The following RAPGEF4 variants were observed in gnomAD, a reference collection of about 807,000 sequenced individuals.
RAPGEF4 encodes the protein RAP guanine-nucleotide-exchange factor (GEF) 4.
Under a neutral mutation model 147.9 loss-of-function variants are expected in RAPGEF4, and 66 were observed. That is an observed-to-expected ratio of 0.45 (90% confidence interval 0.37 to 0.55). The LOEUF is 0.55. Ranked by LOEUF, RAPGEF4 falls within the 20% of genes least tolerant of loss-of-function variation. The pLI is 0.00. For synonymous variants in RAPGEF4, 419 were observed against 442.7 expected (o/e 0.95, Z 0.67); for missense variants, 1,071 against 1,257.3 (o/e 0.85, Z 2.24).
chr2:172,766,175 G>A (rs1018386229), intron 1 of RAPGEF4, among the ~76,000 whole-genome samples: 1 of 151,884 alleles, frequency 6.6e-6, no homozygotes, highest in Non-Finnish European at 1.5e-5. Flanking sequence ...TTTTATTTAT[G>A]TATTTATCAA....
At chr2:172,799,795 T>G (rs1423551567) in intron 3 of RAPGEF4, among the ~76,000 whole-genome samples, 1 of 151,790 alleles carries the variant, frequency 6.6e-6, no homozygotes. Flanking sequence ...AGAAGGAGAA[T>G]CAGAAAAGGA....
intron 4 of RAPGEF4, among the ~76,000 whole-genome samples, chr2:172,897,843 G>A (rs938469674): frequency 6.8e-5 from 10 of 147,848 alleles, no homozygotes; most frequent in Non-Finnish European, 1.0e-4. Context: ...TTAGCTTCAC[G>A]GCACAGCAAC....
chr2:172,803,878 C>T (rs1024926117), intron 3 of RAPGEF4, among the ~76,000 whole-genome samples: 7 of 152,164 alleles, frequency 4.6e-5, no homozygotes, highest in African/African-American at 7.2e-5. Context: ...AGGGATAAAA[C>T]GCCACCAGTG....
chr2:172,763,202 A>T (rs1250111326), intron 1 of RAPGEF4, among the ~76,000 whole-genome samples: 1 of 152,206 alleles, frequency 6.6e-6, no homozygotes, highest in Non-Finnish European at 1.5e-5. Flanking sequence ...CTTCTTCACC[A>T]TCATTTTATC....
chr2:172,871,934 A>G (rs1695290521), intron 4 of RAPGEF4, among the ~76,000 whole-genome samples: 1 of 152,224 alleles, frequency 6.6e-6, no homozygotes, highest in South Asian at 2.1e-4. Flanking sequence ...GGAGTCACAC[A>G]GCAAGGAAGT....
chr2:172,798,452 G>C (rs959391343), intron 3 of RAPGEF4, among the ~76,000 whole-genome samples: 1 of 151,900 alleles, frequency 6.6e-6, no homozygotes, highest in Non-Finnish European at 1.5e-5. Context: ...CCCATAAAAG[G>C]CCACCATCAG....
chr2:172,817,155 G>A (rs1432862182), intron 4 of RAPGEF4, among the ~76,000 whole-genome samples: 1 of 152,164 alleles, frequency 6.6e-6, no homozygotes, highest in Non-Finnish European at 1.5e-5. Context: ...ATGTATGTAT[G>A]TGGATATAGT....
At chr2:172,945,922 A>G (rs563440893) in intron 6 of RAPGEF4, among the ~76,000 whole-genome samples, 147 of 152,306 alleles carry the variant, frequency 9.7e-4, no homozygotes, top group Non-Finnish European at 1.7e-3. Flanking sequence ...CAATTTGACA[A>G]TGTGCATTTG....
chr2:172,859,928 C>T (rs1225853968), intron 4 of RAPGEF4: 16 of 677,726 alleles, frequency 2.4e-5, no homozygotes, highest in South Asian at 6.6e-5. Context: ...AGAGGAGGCT[C>T]GGTAGAATAA....
At chr2:173,039,699 G>C (rs1164390213) in intron 29 of RAPGEF4, among the ~76,000 whole-genome samples, 1 of 152,156 alleles carries the variant, frequency 6.6e-6, no homozygotes, top group Non-Finnish European at 1.5e-5. Context: ...CAGAAACCTA[G>C]TCCCATGAAA....
At chr2:172,972,042 G>A (rs1343184272) in intron 10 of RAPGEF4, among the ~76,000 whole-genome samples, 1 of 132,594 alleles carries the variant, frequency 7.5e-6, no homozygotes, top group Non-Finnish European at 1.5e-5. Flanking sequence ...AAGTTGAAAG[G>A]CAACAATTTA....
intron 10 of RAPGEF4, among the ~76,000 whole-genome samples, chr2:172,973,049 A>G (rs954505883): frequency 6.6e-6 from 1 of 151,420 alleles, no homozygotes; most frequent in Non-Finnish European, 1.5e-5. Context: ...ATGTTCTTTA[A>G]TGCATTCAGT....
chr2:172,916,583 T>C lies in RAPGEF4; in HGVS notation c.445-1219T>C, dbSNP rs140140081. Among the ~76,000 whole-genome samples, 607 of 152,356 alleles carry C rather than the reference T, an allele frequency of 4.0e-3. 5 individuals are homozygous for C. Among genetic ancestry groups the C allele is most frequent in the African/African-American group, 0.014 (586 of 41,588 alleles). ...GGGTGATATATTGGTCCTGTGGGTA[T>C]GTCTGAGTGATCACTTAGCTCAGAG... On this transcript the variant is annotated intron_variant, in intron 4 of 30. Transcript: ENST00000397081.
At chr2:172,823,273 G>A (rs1689279422) in intron 4 of RAPGEF4, among the ~76,000 whole-genome samples, 1 of 152,180 alleles carries the variant, frequency 6.6e-6, no homozygotes, top group African/African-American at 2.4e-5. Flanking sequence ...ACAGAAAAGG[G>A]GCTGGGCTTC....
chr2:173,036,634 C>T lies in RAPGEF4; in HGVS notation c.2795C>T (p.Thr932Ile), dbSNP rs1684049198. The T allele has an allele frequency of 6.2e-7, 1 of 1,607,736 alleles. No homozygotes were observed. Among genetic ancestry groups the T allele is most frequent in the East Asian group, 2.2e-5 (1 of 44,816 alleles). ...GGCTTTTATTTCTTTACAGATATGA[C>T]ATTTACTCATGAGGGGAACAAGACG... is the stretch of plus-strand genomic sequence containing the variant. The part of the protein sequence containing the change: ...PFMPLLIKDM[T>I]FTHEGNKTFI... Residue 932 changes from threonine to isoleucine, a missense_variant, in exon 29 of 31, where the codon ACA (threonine) becomes ATA (isoleucine). By Grantham distance (89) the Thr-to-Ile change is moderately conservative. Transcript: ENST00000397081.
chr2:172,857,701 G>A (rs568661148), intron 4 of RAPGEF4, among the ~76,000 whole-genome samples: 4 of 151,874 alleles, frequency 2.6e-5, no homozygotes, highest in Admixed American at 2.6e-4. Flanking sequence ...GCGAAACATG[G>A]CAAAACCCCA....
chr2:172,853,097 A>AT (rs5836394), intron 4 of RAPGEF4, among the ~76,000 whole-genome samples: 14,652 of 151,798 alleles, frequency 0.097, 712 homozygotes, highest in South Asian at 0.15. Flanking sequence ...GTTCATAGCA[A>AT]TTTTTTTCTT....
rs577489487 is a variant in RAPGEF4, at chr2:172,809,267, G to C, written c.298-5012G>C. Among the ~76,000 whole-genome samples the C allele has an allele frequency of 3.9e-5, 6 of 152,280 alleles. No homozygotes were observed. In the South Asian group the frequency reaches 1.2e-3, roughly 32 times the overall value. ...TGAGACTTGGCCTGCTGATGGGAGG[G>C]AGTCAAAAGCAGGCCCAGTGGTGGA... On this transcript the variant is annotated intron_variant, in intron 3 of 30. Coordinates refer to ENST00000397081, the MANE Select transcript of RAPGEF4 (RefSeq NM_007023.4).
intron 1 of RAPGEF4, among the ~76,000 whole-genome samples, chr2:172,781,063 G>A (rs991677490): frequency 1.3e-5 from 2 of 152,122 alleles, no homozygotes; most frequent in African/African-American, 4.8e-5. Flanking sequence ...TCACTCAATT[G>A]TGCATTGAAA....
Sources: allele counts gnomAD v4.1 joint callset (sites outside exome capture counted in the v4.1 genomes callset), GRCh38; gene constraint gnomAD v4.1.1; transcripts MANE v1.5; gene names NCBI Gene and HGNC (gene_info 2026-07-23, HGNC 2026-07-21).